Variants in ASCL4 observed in about 807,000 individuals in gnomAD.
The protein encoded by ASCL4 is achaete-scute homolog 4.
Under a neutral mutation model 0.3 loss-of-function variants are expected in ASCL4, and 1 was observed. The observed-to-expected ratio is 3.35, with a 90% CI of 1.19 to 15.89. The LOEUF (loss-of-function observed/expected upper bound fraction) is 15.89. Among genes scored for constraint, ASCL4 ranks in the 30% most tolerant of loss-of-function variants. ASCL4 has a pLI of 0.12. For missense variants in ASCL4, 330 were observed against 256.9 expected (o/e 1.28, Z -1.94); for synonymous variants, 137 against 119.5 (o/e 1.15, Z -0.96).
Position 107,775,284 on chromosome 12 carries a change from C to T in ASCL4, c.66C>T (p.Gly22=), listed in dbSNP as rs1490716684. 1 of 1,612,486 alleles carries T rather than the reference C, an allele frequency of 6.2e-7. No individual in the cohort carries two copies. Among genetic ancestry groups the T allele is most frequent in the Non-Finnish European group, 8.5e-7 (1 of 1,179,324 alleles). The change falls in exon 1 of 1, where the codon GGC becomes GGT. Residue 22 remains glycine, a synonymous_variant. Coordinates refer to ENST00000342331, the MANE Select transcript of ASCL4 (RefSeq NM_203436.3). ...ACTCGCTGCGCACCGCGCCCCTGGGCGTTCCGGGGACCCTGCCCGGACTCC... is the reference window on the plus strand; with the variant it reads ...ACTCGCTGCGCACCGCGCCCCTGGGTGTTCCGGGGACCCTGCCCGGACTCC... ...LPYSLRTAPL[G]VPGTLPGLPR... is the part of the protein sequence containing the mutation.
chr12:107,775,807 C>A lies in ASCL4; in HGVS notation c.*70C>A. 7.4e-7 allele frequency: 1 copy of A among 1,355,724 alleles called. No individual in the cohort carries two copies. Among genetic ancestry groups the A allele is most frequent in the South Asian group, 1.9e-5 (1 of 51,696 alleles). 84.0% of individuals were successfully genotyped at this position (1,355,724 alleles called of 1,614,324 possible). On this transcript the variant is annotated 3_prime_UTR_variant, in exon 1 of 1. Coordinates refer to ENST00000342331, the MANE Select transcript of ASCL4 (RefSeq NM_203436.3). ...CGCAGCCGGGCGCTCAACCTAAGGTCCTCTTCGAAGGTGGTTTGCATTCTT... is the reference window on the plus strand; with the variant it reads ...CGCAGCCGGGCGCTCAACCTAAGGTACTCTTCGAAGGTGGTTTGCATTCTT...
Position 107,774,903 on chromosome 12 carries a change from AC to A in ASCL4, c.-311del, listed in dbSNP as rs1197941807. ...CCAGGCTGGGGGACCAGGCAGAGGAACCCCCTTTGTTATCTTCTGAAAGAAG... is the reference window on the plus strand; with the variant it reads ...CCAGGCTGGGGGACCAGGCAGAGGAACCCCTTTGTTATCTTCTGAAAGAAG... On this transcript the variant is annotated 5_prime_UTR_variant, in exon 1 of 1. Coordinates refer to ENST00000342331, the MANE Select transcript of ASCL4 (RefSeq NM_203436.3). 14 of 362,046 alleles carry A rather than the reference AC, an allele frequency of 3.9e-5. No homozygotes were observed. The East Asian group carries it at 7.5e-4, about 19-fold the overall frequency. The allele number at this position is 362,046 out of a possible 1,614,324, so 22.4% of individuals were successfully genotyped here.
In ASCL4 at chr12:107,775,385, G is replaced by A. The variant is rs1308492360; in HGVS notation, c.167G>A (p.Arg56Gln). Residue 56 changes from arginine to glutamine, a missense_variant, in exon 1 of 1, where the codon CGG (arginine) becomes CAG (glutamine). Coordinates refer to ENST00000342331, the MANE Select transcript of ASCL4 (RefSeq NM_203436.3). ...CWEWARSGCA[R>Q]GWQYLPVPLD... The stretch of plus-strand genomic sequence containing the variant: ...GAGTGGGCGCGCAGCGGCTGCGCAC[G>A]GGGATGGCAGTACTTGCCCGTGCCG... 1.9e-6 allele frequency: 3 copies of A among 1,599,484 alleles called. No individual in the cohort carries two copies. The highest frequency in any genetic ancestry group is 1.7e-6 in the Non-Finnish European group (2 of 1,174,472).
In ASCL4 at chr12:107,775,426, G is replaced by T; in HGVS notation, c.208G>T (p.Glu70Ter). 6.4e-7 allele frequency: 1 copy of T among 1,573,640 alleles called. No homozygotes were observed. The highest frequency in any genetic ancestry group is 8.6e-7 in the Non-Finnish European group (1 of 1,166,110). ...YLPVPLDSAF[E>*]PAFLRKRNER... Reference sequence around the variant, plus strand: ...GCCCGTGCCGCTGGACAGCGCCTTCGAGCCCGCCTTCCTCCGCAAGCGCAA... The same window carrying T: ...GCCCGTGCCGCTGGACAGCGCCTTCTAGCCCGCCTTCCTCCGCAAGCGCAA... The change falls in exon 1 of 1, where the codon GAG becomes TAG. Residue 70 changes from glutamate to a stop codon, truncating the protein, a stop_gained. Coordinates refer to ENST00000342331, the MANE Select transcript of ASCL4 (RefSeq NM_203436.3). LOFTEE classifies it low-confidence loss of function (END_TRUNC).
Position 107,776,442 on chromosome 12 carries a change from A to G in ASCL4, c.*705A>G, listed in dbSNP as rs1891462908. The G allele has an allele frequency of 6.0e-6, 1 of 167,102 alleles. No individual in the cohort carries two copies. The highest frequency in any genetic ancestry group is 1.5e-5 in the Non-Finnish European group (1 of 68,132). 10.4% of individuals were successfully genotyped at this position (167,102 alleles called of 1,614,324 possible). On this transcript the variant is annotated 3_prime_UTR_variant, in exon 1 of 1. Coordinates refer to ENST00000342331, the MANE Select transcript of ASCL4 (RefSeq NM_203436.3). ...TGTAGCATTGAGCAGATAGTAAAATATCTTAGAATTAATGATCTCTTTGGA... is the reference window on the plus strand; with the variant it reads ...TGTAGCATTGAGCAGATAGTAAAATGTCTTAGAATTAATGATCTCTTTGGA...
chr12:107,776,054 A>C lies in ASCL4; in HGVS notation c.*317A>C. On this transcript the variant is annotated 3_prime_UTR_variant, in exon 1 of 1. Transcript: ENST00000342331. ...CTCATTGTAAATACGATTATTCTAAAAACTCAAAGGGCGAGAACAACTGGA... is the reference window on the plus strand; with the variant it reads ...CTCATTGTAAATACGATTATTCTAACAACTCAAAGGGCGAGAACAACTGGA... 1 of 273,114 alleles carries C rather than the reference A, an allele frequency of 3.7e-6. No individual in the cohort carries two copies. Among genetic ancestry groups the C allele is most frequent in the Non-Finnish European group, 7.2e-6 (1 of 138,626 alleles). 16.9% of individuals were successfully genotyped at this position (273,114 alleles called of 1,614,324 possible).
Position 107,775,754 on chromosome 12 carries a change from C to T in ASCL4, c.*17C>T. 1 of 1,396,556 alleles carries T rather than the reference C, an allele frequency of 7.2e-7. No individual in the cohort carries two copies. The highest frequency in any genetic ancestry group is 9.2e-7 in the Non-Finnish European group (1 of 1,082,282). The allele number at this position is 1,396,556 out of a possible 1,614,324, so 86.5% of individuals were successfully genotyped here. ...GGCAGCTAGCGAGCGCCCGAACTGG[C>T]CAGGACCCCCGCGCCCGCCGCACAG... On this transcript the variant is annotated 3_prime_UTR_variant, in exon 1 of 1. Transcript: ENST00000342331.
In ASCL4 at chr12:107,775,499, G is replaced by T. The variant is rs1891445510; in HGVS notation, c.281G>T (p.Arg94Leu). Residue 94 changes from arginine to leucine, a missense_variant, in exon 1 of 1, where the codon CGC (arginine) becomes CTC (leucine). Transcript: ENST00000342331. ...RVRCVNEGYA[R>L]LRDHLPRELA... The stretch of plus-strand genomic sequence containing the variant: ...CGCTGCGTGAACGAGGGCTATGCGC[G>T]CCTCCGAGACCACCTGCCCCGGGAG... The T allele has an allele frequency of 5.1e-6, 8 of 1,571,654 alleles. No individual in the cohort carries two copies. Among genetic ancestry groups the T allele is most frequent in the Non-Finnish European group, 6.0e-6 (7 of 1,167,428 alleles).
chr12:107,775,531 G>A lies in ASCL4; in HGVS notation c.313G>A (p.Asp105Asn), dbSNP rs1891446474. 3 of 1,573,924 alleles carry A rather than the reference G, an allele frequency of 1.9e-6. No individual in the cohort carries two copies. The highest frequency in any genetic ancestry group is 2.6e-6 in the Non-Finnish European group (3 of 1,168,466). ...LRDHLPRELADKRLSKVETLR... is the reference protein window; with the variant it reads ...LRDHLPRELANKRLSKVETLR... ...AGACCACCTGCCCCGGGAGCTGGCA[G>A]ACAAGCGCCTCAGCAAAGTGGAGAC... Residue 105 changes from aspartate (D) to asparagine (N), a missense_variant, in exon 1 of 1, where the codon GAC becomes AAC. Transcript: ENST00000342331.
rs1463766440 is a variant in ASCL4 at position 107,774,959 on chromosome 12, G to A, written c.-260G>A. On this transcript the variant is annotated 5_prime_UTR_variant, in exon 1 of 1. Transcript: ENST00000342331. ...GTGGGGAAGACGGGGTTTGAAGTGT[G>A]GATTAGGAGATCCTACGTCTTTGCC... 5 of 511,188 alleles carry A rather than the reference G, an allele frequency of 9.8e-6. No individual in the cohort carries two copies. The highest frequency in any genetic ancestry group is 1.7e-5 in the Non-Finnish European group (5 of 293,222). The allele number at this position is 511,188 out of a possible 1,614,324, so 31.7% of individuals were successfully genotyped here.
Position 107,775,152 on chromosome 12 carries a change from A to G in ASCL4, c.-67A>G. The G allele has an allele frequency of 6.4e-7, 1 of 1,561,490 alleles. No homozygotes were observed. The highest frequency in any genetic ancestry group is 1.2e-5 in the South Asian group (1 of 84,042). The stretch of plus-strand genomic sequence containing the variant: ...CTGCACCAGCACCTCTGCTTCTAAG[A>G]TTCTGTTTCGTCTTCTTCTATTGAG... On this transcript the variant is annotated 5_prime_UTR_variant, in exon 1 of 1. Transcript: ENST00000342331.
At position 107,775,833 on chromosome 12, in the gene ASCL4, A is replaced by C; in HGVS notation, c.*96A>C. The C allele has an allele frequency of 7.7e-7, 1 of 1,292,142 alleles. No homozygotes were observed. The highest frequency in any genetic ancestry group is 1.0e-6 in the Non-Finnish European group (1 of 999,966). 80.0% of individuals were successfully genotyped at this position (1,292,142 alleles called of 1,614,324 possible). A position where few individuals can be genotyped will look rare whatever the true frequency, so the allele number is the denominator to read the frequency against. ...CTCTTCGAAGGTGGTTTGCATTCTTAATCTGGCATCTTCTCCAGGCCTAAA... is the reference window on the plus strand; with the variant it reads ...CTCTTCGAAGGTGGTTTGCATTCTTCATCTGGCATCTTCTCCAGGCCTAAA... On this transcript the variant is annotated 3_prime_UTR_variant, in exon 1 of 1. Coordinates refer to ENST00000342331, the MANE Select transcript of ASCL4 (RefSeq NM_203436.3).
rs1284328509 is a variant in ASCL4, at chr12:107,776,028, C to A, written c.*291C>A. 1.5e-5 allele frequency: 5 copies of A among 333,172 alleles called. No individual in the cohort carries two copies. The highest frequency in any genetic ancestry group is 2.8e-5 in the Non-Finnish European group (5 of 176,600). 20.6% of individuals were successfully genotyped at this position (333,172 alleles called of 1,614,324 possible). On this transcript the variant is annotated 3_prime_UTR_variant, in exon 1 of 1. Coordinates refer to ENST00000342331, the MANE Select transcript of ASCL4 (RefSeq NM_203436.3). ...TGCAAACTGTTTCAGATTCTGAGCACCTCATTGTAAATACGATTATTCTAA... is the reference window on the plus strand; with the variant it reads ...TGCAAACTGTTTCAGATTCTGAGCAACTCATTGTAAATACGATTATTCTAA...
chr12:107,775,559 T>A lies in ASCL4; in HGVS notation c.341T>A (p.Leu114His). 6.3e-7 allele frequency: 1 copy of A among 1,577,370 alleles called. No homozygotes were observed. Among genetic ancestry groups the A allele is most frequent in the Non-Finnish European group, 8.5e-7 (1 of 1,170,462 alleles). Residue 114 changes from leucine (L) to histidine (H), a missense_variant, in exon 1 of 1, where the codon CTC becomes CAC. By Grantham distance (99) the Leu-to-His change is moderately conservative. Transcript: ENST00000342331. ...ADKRLSKVET[L>H]RAAIDYIKHL... ...AAGCGCCTCAGCAAAGTGGAGACGC[T>A]CCGCGCTGCCATCGACTACATCAAG...
In ASCL4 at chr12:107,775,965, G is replaced by A. The variant is rs578079511; in HGVS notation, c.*228G>A. On this transcript the variant is annotated 3_prime_UTR_variant, in exon 1 of 1. Transcript: ENST00000342331. ...TTGGTTACGTGCCTGCAACTTATAG[G>A]TGCTTATTAAGGAGACTCTTTTCCT... 416 of 445,228 alleles carry A rather than the reference G, an allele frequency of 9.3e-4. No individual in the cohort carries two copies. The highest frequency in any genetic ancestry group is 5.4e-3 in the Middle Eastern group (9 of 1,670). The allele number at this position is 445,228 out of a possible 1,614,324, so 27.6% of individuals were successfully genotyped here.
rs372450331 is a variant in ASCL4 at position 107,775,404 on chromosome 12, C to G, written c.186C>G (p.Pro62=). 8.1e-5 allele frequency: 129 copies of G among 1,590,396 alleles called. No individual in the cohort carries two copies. Among genetic ancestry groups the G allele is most frequent in the Non-Finnish European group, 1.0e-4 (120 of 1,172,032 alleles). The change falls in exon 1 of 1, where the codon CCC becomes CCG. Residue 62 remains proline, a synonymous_variant. Coordinates refer to ENST00000342331, the MANE Select transcript of ASCL4 (RefSeq NM_203436.3). ...SGCARGWQYL[P]VPLDSAFEPA... ...GCGCACGGGGATGGCAGTACTTGCC[C>G]GTGCCGCTGGACAGCGCCTTCGAGC... is the stretch of plus-strand genomic sequence containing the variant.
At position 107,775,244 on chromosome 12, in the gene ASCL4, G is replaced by T. The variant is rs1385965977; in HGVS notation, c.26G>T (p.Arg9Leu). 1.2e-6 allele frequency: 2 copies of T among 1,612,258 alleles called. 1 individual carries two copies. Among genetic ancestry groups the T allele is most frequent in the South Asian group, 2.2e-5 (2 of 90,944 alleles). The change falls in exon 1 of 1, where the codon CGG (arginine) becomes CTG (leucine). Residue 9 changes from arginine to leucine, a missense_variant. By Grantham distance (102) the Arg-to-Leu change is moderately radical. Coordinates refer to ENST00000342331, the MANE Select transcript of ASCL4 (RefSeq NM_203436.3). METRKPAERLALPYSLRTA... is the reference protein window; with the variant it reads METRKPAELLALPYSLRTA... ...ATGGAGACGCGTAAACCGGCGGAACGGCTGGCCTTGCCATACTCGCTGCGC... is the reference window on the plus strand; with the variant it reads ...ATGGAGACGCGTAAACCGGCGGAACTGCTGGCCTTGCCATACTCGCTGCGC...
In ASCL4 at chr12:107,775,917, T is replaced by C; in HGVS notation, c.*180T>C. ...GGGATGGGGGAGTTGTTTTGACATT[T>C]GGGAATTTCTCCCCTGCCCTTATTG... On this transcript the variant is annotated 3_prime_UTR_variant, in exon 1 of 1. Transcript: ENST00000342331. 1.4e-6 allele frequency: 1 copy of C among 696,774 alleles called. No homozygotes were observed. Among genetic ancestry groups the C allele is most frequent in the Non-Finnish European group, 2.1e-6 (1 of 474,344 alleles). The allele number at this position is 696,774 out of a possible 1,614,324, so 43.2% of individuals were successfully genotyped here. A position where few individuals can be genotyped will look rare whatever the true frequency, so the allele number is the denominator to read the frequency against.
At position 107,775,771 on chromosome 12, in the gene ASCL4, G is replaced by A. The variant is rs1342689123; in HGVS notation, c.*34G>A. On this transcript the variant is annotated 3_prime_UTR_variant, in exon 1 of 1. Transcript: ENST00000342331. The stretch of plus-strand genomic sequence containing the variant: ...CGAACTGGCCAGGACCCCCGCGCCC[G>A]CCGCACAGCGCGCAGCCGGGCGCTC... The A allele has an allele frequency of 1.4e-6, 2 of 1,382,664 alleles. No homozygotes were observed. The highest frequency in any genetic ancestry group is 3.7e-5 in the Admixed American group (1 of 26,874). 85.6% of individuals were successfully genotyped at this position (1,382,664 alleles called of 1,614,324 possible).
Sources: allele counts gnomAD v4.1 joint callset, GRCh38; gene constraint gnomAD v4.1.1; transcripts MANE v1.5; gene names NCBI Gene and HGNC (gene_info 2026-07-23, HGNC 2026-07-21).